THSD7B: variants seen among roughly 807,000 people sequenced by gnomAD.
THSD7B encodes the protein thrombospondin type 1 domain containing 7B.
Under a neutral mutation model 213.6 loss-of-function variants are expected in THSD7B, and 138 were observed. The observed-to-expected ratio is 0.65, with a 90% confidence interval of 0.56 to 0.74. The LOEUF (loss-of-function observed/expected upper bound fraction) is 0.74. THSD7B is among the 30% of genes least tolerant of loss of function. The pLI is 0.00. For synonymous variants in THSD7B, 742 were observed against 687.0 expected, an observed-to-expected ratio of 1.08 and a Z score of -1.25; for missense variants, 1,931 against 1,991.5, an observed-to-expected ratio of 0.97 and a Z score of 0.58.
chr2:136,778,882 G>C (rs900442177), intron 1 of THSD7B, among the ~76,000 whole-genome samples: 1 of 152,122 alleles, frequency 6.6e-6, no homozygotes, highest in African/African-American at 2.4e-5. Context: ...TCAGCTCTAA[G>C]GTAAGGGAGG....
At chr2:137,175,583 A>T (rs1000025254) in intron 7 of THSD7B, among the ~76,000 whole-genome samples, 2 of 152,152 alleles carry the variant, frequency 1.3e-5, no homozygotes, top group Non-Finnish European at 2.9e-5. Context: ...TTTGCTTTTT[A>T]TTTCAAGGAT....
chr2:137,308,489 C>T (rs1377656099), intron 12 of THSD7B, among the ~76,000 whole-genome samples: 5 of 152,100 alleles, frequency 3.3e-5, no homozygotes, highest in East Asian at 3.9e-4. Flanking sequence ...CATTCAGAGT[C>T]GTTACCCATT....
At chr2:137,297,780 C>A (rs1262608148) in intron 12 of THSD7B, among the ~76,000 whole-genome samples, 1 of 152,124 alleles carries the variant, frequency 6.6e-6, no homozygotes, top group African/African-American at 2.4e-5. Flanking sequence ...GGTTCTTCCT[C>A]ATTCTCTCTT....
intron 15 of THSD7B, among the ~76,000 whole-genome samples, chr2:137,476,097 A>G (rs1021615778): frequency 8.5e-5 from 13 of 152,130 alleles, no homozygotes; most frequent in Non-Finnish European, 2.9e-5. Flanking sequence ...TAAGCCATTT[A>G]TATGACTTCT....
Position 137,588,408 on chromosome 2 carries a change from C to T in THSD7B, c.3423+15852C>T, listed in dbSNP as rs186118567. Among the ~76,000 whole-genome samples the T allele has an allele frequency of 5.9e-5, 9 of 152,210 alleles. No homozygotes were observed. The East Asian group carries it at 1.4e-3, about 23-fold the overall frequency. On this transcript the variant is annotated intron_variant, in intron 17 of 27. Transcript: ENST00000409968. Reference sequence around the variant, plus strand: ...ACCTCAGTTGGAAATGCAGAAATCACCTGTCTTCTGCATCACTCATGCTGG... The same window carrying T: ...ACCTCAGTTGGAAATGCAGAAATCATCTGTCTTCTGCATCACTCATGCTGG...
chr2:137,212,558 G>C (rs1262865142), intron 7 of THSD7B, among the ~76,000 whole-genome samples: 1 of 152,000 alleles, frequency 6.6e-6, no homozygotes, highest in Non-Finnish European at 1.5e-5. Flanking sequence ...TGTCTGAATT[G>C]GGACTAATTG....
intron 2 of THSD7B, among the ~76,000 whole-genome samples, chr2:137,033,834 A>G (rs1469894079): frequency 6.6e-6 from 1 of 151,904 alleles, no homozygotes; most frequent in Non-Finnish European, 1.5e-5. Flanking sequence ...GTACATGTGC[A>G]TAATGTGCAG....
chr2:137,177,622 C>T (rs1296135013), intron 7 of THSD7B, among the ~76,000 whole-genome samples: 1 of 152,106 alleles, frequency 6.6e-6, no homozygotes, highest in East Asian at 1.9e-4. Context: ...CTGGCAAGTT[C>T]CCAGGTGATG....
intron 2 of THSD7B, among the ~76,000 whole-genome samples, chr2:137,028,672 G>A (rs899658888): frequency 6.6e-6 from 1 of 152,216 alleles, no homozygotes; most frequent in African/African-American, 2.4e-5. Flanking sequence ...GCAATGCCAG[G>A]AAATAAGTGC....
chr2:136,915,680 A>C (rs899748592), intron 2 of THSD7B, among the ~76,000 whole-genome samples: 1 of 152,222 alleles, frequency 6.6e-6, no homozygotes, highest in African/African-American at 2.4e-5. Context: ...AAGCACAGAG[A>C]GGTAAAGTAC....
At chr2:137,598,884 T>TA (rs575856867) in intron 17 of THSD7B, among the ~76,000 whole-genome samples, 1,621 of 135,268 alleles carry the variant, frequency 0.012, 11 homozygotes, top group Non-Finnish European at 0.016. Flanking sequence ...GTTCTTTTTT[T>TA]TTTTTATTAT....
chr2:137,199,930 C>A (rs1484937591), intron 7 of THSD7B, among the ~76,000 whole-genome samples: 6 of 152,154 alleles, frequency 3.9e-5, no homozygotes, highest in Non-Finnish European at 8.8e-5. Flanking sequence ...ATGCTGGTGG[C>A]CAAATATTTC....
chr2:137,415,942 C>T (rs1686788717), intron 14 of THSD7B, among the ~76,000 whole-genome samples: 1 of 152,088 alleles, frequency 6.6e-6, no homozygotes, highest in Admixed American at 6.5e-5. Flanking sequence ...TGCTTATTGT[C>T]TCTCCCTGCA....
chr2:137,663,416 G>A lies in THSD7B; in HGVS notation c.4492G>A (p.Glu1498Lys). 1 of 1,592,520 alleles carries A rather than the reference G, an allele frequency of 6.3e-7. No individual in the cohort carries two copies. The highest frequency in any genetic ancestry group is 8.6e-7 in the Non-Finnish European group (1 of 1,168,506). The change falls in exon 26 of 28, where the codon GAG becomes AAG. Residue 1498 changes from glutamate (E) to lysine (K), a missense_variant. Coordinates refer to ENST00000409968, the MANE Select transcript of THSD7B (RefSeq NM_001316349.2). ...GVCGCEKGYT[E>K]IMKSNGFLDY... is the part of the protein sequence containing the mutation. ...CTGTGGTTGTGAGAAGGGCTATACA[G>A]AGATAATGAAATCAAATGGTTTCCT... is the stretch of plus-strand genomic sequence containing the variant.
chr2:137,303,706 A>ATATATATATT lies in THSD7B; in HGVS notation c.2500+27690_2500+27699dup, dbSNP rs1553437350. On this transcript the variant is annotated intron_variant, in intron 12 of 27. Transcript: ENST00000409968. Reference sequence around the variant, plus strand: ...TATTTATATATATTTATATATATTTATATATATATTTATATATATATTTAT... The same window carrying ATATATATATT: ...TATTTATATATATTTATATATATTTATATATATATTTATATATATTTATATATATATTTAT... Among the ~76,000 whole-genome samples, 6 of 122,154 alleles carry ATATATATATT rather than the reference A, an allele frequency of 4.9e-5. No individual in the cohort carries two copies. In the South Asian group the frequency reaches 1.0e-3, roughly 21 times the overall value. The allele number at this position is 122,154 out of a possible 152,430, so 80.1% of individuals were successfully genotyped here. A position where few individuals can be genotyped will look rare whatever the true frequency, so the allele number is the denominator to read the frequency against.
chr2:137,132,720 T>G (rs1054137992), intron 5 of THSD7B, among the ~76,000 whole-genome samples: 1 of 152,216 alleles, frequency 6.6e-6, no homozygotes, highest in Non-Finnish European at 1.5e-5. Flanking sequence ...AGACAGTGAT[T>G]TCCTCTTGAA....
At chr2:137,537,373 ATTC>A (rs1443866612) in intron 15 of THSD7B, among the ~76,000 whole-genome samples, 1 of 151,696 alleles carries the variant, frequency 6.6e-6, no homozygotes, top group Non-Finnish European at 1.5e-5. Flanking sequence ...AGCCAAACGT[ATTC>A]TTCTTTTAAT....
At position 137,164,532 on chromosome 2, in the gene THSD7B, A is replaced by G. The variant is rs1193037222; in HGVS notation, c.1525+4164A>G. 2.6e-5 allele frequency among the ~76,000 whole-genome samples: 4 copies of G among 152,314 alleles called. No homozygotes were observed. In the East Asian group the frequency reaches 7.7e-4, roughly 29 times the overall value. ...TGACCCAGCCATCCCATTACTGGGT[A>G]TATACCCAAAGGATTATAAATCATG... On this transcript the variant is annotated intron_variant, in intron 6 of 27. Transcript: ENST00000409968.
chr2:137,292,664 T>C (rs1276262525), intron 12 of THSD7B, among the ~76,000 whole-genome samples: 1 of 152,148 alleles, frequency 6.6e-6, no homozygotes, highest in East Asian at 1.9e-4. Context: ...TTTGTCTCCA[T>C]GGTTGTTGTT....
Sources: gnomAD v4.1 joint callset for allele counts (sites outside exome capture counted in the v4.1 genomes callset) on GRCh38, gnomAD v4.1.1 for gene constraint, MANE v1.5 for transcripts, NCBI Gene and HGNC (gene_info 2026-07-23, HGNC 2026-07-21) for gene names.